Variants in KLC4 observed in about 807,000 individuals in gnomAD.
KLC4 encodes the protein kinesin light chain 4, also known as kinesin-like protein 8.
A neutral mutation model predicts 77.2 loss-of-function variants in KLC4; 49 were observed. The ratio of observed to expected loss-of-function variants is 0.63; its 90% CI spans 0.50 to 0.80. The LOEUF is 0.80. Among genes scored for constraint, KLC4 ranks in the 30% least tolerant of loss-of-function variants. KLC4 has a pLI of 0.00. For missense variants in KLC4, 669 were observed against 793.5 expected, an observed-to-expected ratio of 0.84 and a Z score of 1.89; for synonymous variants, 274 against 314.5, an observed-to-expected ratio of 0.87 and a Z score of 1.36.
chr6:43,062,916 G>A lies in KLC4; in HGVS notation c.259-1G>A, dbSNP rs771042040. On this transcript the variant is annotated splice_acceptor_variant, in intron 2 of 15. Transcript: ENST00000347162. LOFTEE classifies it high-confidence loss of function. ...GGAGCTCAGGGGATGTGCCCACCTA[G>A]GTGATGCTGGCTCTAGCCAGCCACC... The A allele has an allele frequency of 6.2e-7, 1 of 1,613,770 alleles. No homozygotes were observed. Among genetic ancestry groups the A allele is most frequent in the Non-Finnish European group, 8.5e-7 (1 of 1,179,674 alleles).
chr6:43,072,973 G>C lies in KLC4; in HGVS notation c.1629+9G>C, dbSNP rs199731593. On this transcript the variant is annotated intron_variant, in intron 13 of 15. Coordinates refer to ENST00000347162, the MANE Select transcript of KLC4 (RefSeq NM_201521.3). ...CTGTGGAGTGGTCCGGGGTAAGTCT[G>C]ATCATTGCCTTTTCATCTCTCCTGC... The C allele has an allele frequency of 4.4e-6, 7 of 1,576,938 alleles. No individual in the cohort carries two copies. In the Admixed American group the frequency reaches 1.3e-4, roughly 29 times the overall value.
chr6:43,074,794 GA>G lies in KLC4; in HGVS notation c.*124del, dbSNP rs1765909866. 2.5e-6 allele frequency: 2 copies of G among 795,486 alleles called. No individual in the cohort carries two copies. Among genetic ancestry groups the G allele is most frequent in the Non-Finnish European group, 4.4e-6 (2 of 459,062 alleles). 49.3% of individuals were successfully genotyped at this position (795,486 alleles called of 1,614,324 possible). On this transcript the variant is annotated 3_prime_UTR_variant, in exon 16 of 16. Coordinates refer to ENST00000347162, the MANE Select transcript of KLC4 (RefSeq NM_201521.3). ...ACAGTGAAGGGGAGCAGTTTAACCA[GA>G]AGATTGCTGCTGCCCTTAGGGTCTC... is the stretch of plus-strand genomic sequence containing the variant.
Position 43,062,977 on chromosome 6 carries a change from G to A in KLC4, c.319G>A (p.Ala107Thr), listed in dbSNP as rs777980547. Residue 107 changes from alanine to threonine, a missense_variant, in exon 3 of 16, where the codon GCT (alanine) becomes ACT (threonine). Ala to Thr is a moderately conservative substitution (Grantham distance 58). Transcript: ENST00000347162. ...TVESEKQKLR[A>T]QVRRLCQENQ... Reference sequence around the variant, plus strand: ...GGAGTCGGAGAAACAGAAGCTGCGGGCTCAGGTGCGGCGGCTATGCCAGGA... The same window carrying A: ...GGAGTCGGAGAAACAGAAGCTGCGGACTCAGGTGCGGCGGCTATGCCAGGA... 8 of 1,614,224 alleles carry A rather than the reference G, an allele frequency of 5.0e-6. No individual in the cohort carries two copies. The highest frequency in any genetic ancestry group is 4.4e-5 in the South Asian group (4 of 91,088).
Position 43,071,570 on chromosome 6 carries a change from A to T in KLC4, c.1259A>T (p.Asp420Val). ...HVQEFGSVDDDHKPIWMHAEE... is the reference protein window; with the variant it reads ...HVQEFGSVDDVHKPIWMHAEE... ...CCACCCCATGTATCACCCCTAGATGACCACAAGCCCATCTGGATGCATGCA... is the reference window on the plus strand; with the variant it reads ...CCACCCCATGTATCACCCCTAGATGTCCACAAGCCCATCTGGATGCATGCA... Residue 420 changes from aspartate to valine, a missense_variant, in exon 10 of 16, where the codon GAC becomes GTC. Asp to Val is a radical substitution (Grantham distance 152, BLOSUM62 -3). Coordinates refer to ENST00000347162, the MANE Select transcript of KLC4 (RefSeq NM_201521.3). 1 of 1,613,186 alleles carries T rather than the reference A, an allele frequency of 6.2e-7. No homozygotes were observed. The highest frequency in any genetic ancestry group is 8.5e-7 in the Non-Finnish European group (1 of 1,179,694).
intron 14 of KLC4, 113 bp from the exon 15 acceptor site, chr6:43,073,789 A>G: frequency 1.2e-6 from 1 of 866,672 alleles, no homozygotes; most frequent in Non-Finnish European, 1.9e-6. Context: ...AGCCATGGAG[A>G]GAGAGTTTGG....
chr6:43,070,579 C>A, intron 7 of KLC4, 113 bp from the exon 8 acceptor site: 1 of 1,420,878 alleles, frequency 7.0e-7, no homozygotes. Context: ...TTCTCTCTTC[C>A]TTCATTCCCT....
intron 13 of KLC4, 30 bp downstream of exon 13, chr6:43,072,994 C>T (rs768178792): frequency 8.4e-6 from 13 of 1,553,544 alleles, no homozygotes; most frequent in Non-Finnish European, 9.6e-6. Context: ...TTTCATCTCT[C>T]CTGCCCACTC....
intron 5 of KLC4, 76 bp downstream of exon 5, chr6:43,066,601 C>T (rs1765446687): frequency 1.6e-5 from 21 of 1,344,608 alleles, no homozygotes; most frequent in Non-Finnish European, 2.2e-5. Context: ...TTTCATTTTT[C>T]CTCTTTACAG....
chr6:43,070,418 A>C lies in KLC4; in HGVS notation c.944A>C (p.Glu315Ala). 1 of 1,614,130 alleles carries C rather than the reference A, an allele frequency of 6.2e-7. No individual in the cohort carries two copies. The highest frequency in any genetic ancestry group is 8.5e-7 in the Non-Finnish European group (1 of 1,179,950). The change falls in exon 7 of 16, where the codon GAG (glutamate) becomes GCG (alanine). Residue 315 changes from glutamate (E) to alanine (A), a missense_variant. Transcript: ENST00000347162. ...AAAAGGGGCAAGTACAAGGAGGCAG[A>C]GCCTCTGTGCCAGCGGGCACTGGAG... ...YGKRGKYKEA[E>A]PLCQRALEIR...
In KLC4 at chr6:43,063,096, C is replaced by A. The variant is rs781236037; in HGVS notation, c.438C>A (p.His146Gln). 2 of 1,614,200 alleles carry A rather than the reference C, an allele frequency of 1.2e-6. No homozygotes were observed. The highest frequency in any genetic ancestry group is 2.2e-5 in the South Asian group (2 of 91,074). The change falls in exon 3 of 16, where the codon CAC becomes CAA. Residue 146 changes from histidine (H) to glutamine (Q), a missense_variant. Transcript: ENST00000347162. ...AVAQLEEEKK[H>Q]LEFLGQLRQY... ...CTCAGCTGGAGGAGGAAAAGAAGCA[C>A]CTGGAGTTCCTGGGGCAGCTGCGGC...
intron 8 of KLC4, 68 bp downstream of exon 8, chr6:43,070,933 G>GGCCCC: frequency 2.8e-6 from 1 of 360,518 alleles, no homozygotes; most frequent in Non-Finnish European, 5.3e-6. Flanking sequence ...GGGAGGGGGG[G>GGCCCC]CAGGCGGAGA....
At position 43,061,543 on chromosome 6, in the gene KLC4, C is replaced by T. The variant is rs1765160672; in HGVS notation, c.208C>T (p.Gln70Ter). ...EEGLVHEKAR[Q>*]LRRSMENIEL... Reference sequence around the variant, plus strand: ...AGGGCTGGTGCATGAGAAGGCCCGGCAGCTTCGCCGTTCTATGGAAAACAT... The same window carrying T: ...AGGGCTGGTGCATGAGAAGGCCCGGTAGCTTCGCCGTTCTATGGAAAACAT... Residue 70 changes from glutamine to a stop codon, truncating the protein, a stop_gained, in exon 2 of 16, where the codon CAG becomes TAG. Coordinates refer to ENST00000347162, the MANE Select transcript of KLC4 (RefSeq NM_201521.3). LOFTEE classifies it high-confidence loss of function. The T allele has an allele frequency of 6.2e-7, 1 of 1,613,828 alleles. No individual in the cohort carries two copies. The highest frequency in any genetic ancestry group is 8.5e-7 in the Non-Finnish European group (1 of 1,179,878).
intron 2 of KLC4, chr6:43,062,659 G>A (rs1381492809): frequency 1.9e-6 from 1 of 529,056 alleles, no homozygotes; most frequent in African/African-American, 1.9e-5. Context: ...GGGGAACAAG[G>A]GCAGAAACGA....
intron 1 of KLC4, chr6:43,060,580 A>T: frequency 8.2e-7 from 1 of 1,221,230 alleles, no homozygotes; most frequent in Non-Finnish European, 1.0e-6. Flanking sequence ...TGAGTGCCAC[A>T]GCCAGGGCCT....
chr6:43,061,273 C>A (rs1442264366), intron 1 of KLC4, 38 bp from the exon 2 acceptor site: 4 of 1,577,378 alleles, frequency 2.5e-6, no homozygotes, highest in Non-Finnish European at 3.4e-6. Flanking sequence ...TTCTCTGTCT[C>A]ATCTTTACAC....
intron 7 of KLC4, 71 bp downstream of exon 7, chr6:43,070,526 C>A: frequency 7.2e-7 from 1 of 1,396,620 alleles, no homozygotes; most frequent in Non-Finnish European, 1.0e-6. Flanking sequence ...CTGGTCTAAC[C>A]CTCCTCCTTC....
At position 43,071,524 on chromosome 6, in the gene KLC4, T is replaced by C; in HGVS notation, c.1256-43T>C. 3.1e-6 allele frequency: 5 copies of C among 1,602,756 alleles called. No homozygotes were observed. In the African/African-American group the frequency reaches 5.3e-5, roughly 17 times the overall value. The stretch of plus-strand genomic sequence containing the variant: ...TGGGTCCTGGCTCTCCGACACTGTC[T>C]AGCTCCCATCTCTAACCTCCCCACC... On this transcript the variant is annotated intron_variant, in intron 9 of 15. Coordinates refer to ENST00000347162, the MANE Select transcript of KLC4 (RefSeq NM_201521.3).
In KLC4 at chr6:43,063,060, A is replaced by T; in HGVS notation, c.402A>T (p.Glu134Asp). Residue 134 changes from glutamate (E) to aspartate (D), a missense_variant, in exon 3 of 16, where the codon GAA (glutamate) becomes GAT (aspartate). Coordinates refer to ENST00000347162, the MANE Select transcript of KLC4 (RefSeq NM_201521.3). ...AGTQQRLQRS[E>D]QAVAQLEEEK... is the part of the protein sequence containing the mutation. Reference sequence around the variant, plus strand: ...CCCAGCAGCGGCTACAGCGCAGTGAACAGGCTGTGGCTCAGCTGGAGGAGG... The same window carrying T: ...CCCAGCAGCGGCTACAGCGCAGTGATCAGGCTGTGGCTCAGCTGGAGGAGG... 1 of 1,614,222 alleles carries T rather than the reference A, an allele frequency of 6.2e-7. No homozygotes were observed. Among genetic ancestry groups the T allele is most frequent in the Non-Finnish European group, 8.5e-7 (1 of 1,180,038 alleles).
Position 43,074,662 on chromosome 6 carries a change from C to T in KLC4, c.1850C>T (p.Ser617Leu), listed in dbSNP as rs1233756486. The T allele has an allele frequency of 1.2e-6, 2 of 1,614,160 alleles. No homozygotes were observed. The highest frequency in any genetic ancestry group is 1.1e-5 in the South Asian group (1 of 91,076). ...GLSASTMDLS[S>L]SS ...AGTGCCAGCACCATGGACCTCTCTT[C>T]AAGCAGCTGACATTCAACCCGGCCC... The change falls in exon 16 of 16, where the codon TCA becomes TTA. Residue 617 changes from serine to leucine, a missense_variant. Transcript: ENST00000347162.
Sources: gnomAD v4.1 joint callset for allele counts on GRCh38, gnomAD v4.1.1 for gene constraint, MANE v1.5 for transcripts, NCBI Gene and HGNC (gene_info 2026-07-23, HGNC 2026-07-21) for gene names.